The following PSMA1 variants were observed in gnomAD, a reference collection of about 807,000 sequenced individuals.
PSMA1 encodes proteasome subunit alpha type-1.
PSMA1 carries 3 observed loss-of-function variants against 38.4 expected under a neutral mutation model. That is an observed-to-expected ratio of 0.08 (90% confidence interval 0.04 to 0.20). The LOEUF is 0.20. Ranked by LOEUF, PSMA1 falls within the 10% of genes least tolerant of loss-of-function variation. The pLI is 1.00. For synonymous variants in PSMA1, 101 were observed against 107.1 expected (o/e 0.94, Z 0.35); for missense variants, 227 against 325.3 (o/e 0.70, Z 2.32).
At chr11:14,638,949 T>G (rs7104901) in intron 1 of PSMA1, among the ~76,000 whole-genome samples, 69,729 of 151,554 alleles carry the variant, frequency 0.46, 16,045 homozygotes, top group East Asian at 0.53. Context: ...CAAGTTTCAG[T>G]TTTTAGATTT....
At chr11:14,641,199 C>T (rs533824365) in intron 1 of PSMA1, among the ~76,000 whole-genome samples, 158 of 150,324 alleles carry the variant, frequency 1.1e-3, no homozygotes, top group African/African-American at 3.3e-3. Context: ...AAAAAAAAGA[C>T]GTGAGGGAAG....
chr11:14,505,326 T>C, intron 9 of PSMA1, 78 bp from the exon 10 acceptor site: 1 of 1,228,152 alleles, frequency 8.1e-7, no homozygotes, highest in East Asian at 2.3e-5. Flanking sequence ...AAATATTACG[T>C]TATTAAAAAT....
chr11:14,514,219 G>A lies in PSMA1; in HGVS notation c.343+184C>T, dbSNP rs565583109. 98 of 1,347,520 alleles carry A rather than the reference G, an allele frequency of 7.3e-5. No homozygotes were observed. In the East Asian group the frequency reaches 1.4e-3, roughly 19 times the overall value. The allele number at this position is 1,347,520 out of a possible 1,614,324, so 83.5% of individuals were successfully genotyped here. On this transcript the variant is annotated intron_variant, in intron 5 of 9. Coordinates refer to ENST00000396394, the MANE Select transcript of PSMA1 (RefSeq NM_002786.4). Reference sequence around the variant, plus strand: ...ATGCTTAGATGATTTTCCTGAAGTTGGGCTTATTTGTGTCTAGCAAATATA... The same window carrying A: ...ATGCTTAGATGATTTTCCTGAAGTTAGGCTTATTTGTGTCTAGCAAATATA...
intron 2 of PSMA1, among the ~76,000 whole-genome samples, chr11:14,545,042 T>C (rs1851811355): frequency 6.6e-6 from 1 of 152,144 alleles, no homozygotes; most frequent in South Asian, 2.1e-4. Context: ...GAGTAGAGAG[T>C]AACAGCTAAT....
chr11:14,597,926 C>T (rs542705484), intron 2 of PSMA1, among the ~76,000 whole-genome samples: 78 of 152,250 alleles, frequency 5.1e-4, no homozygotes, highest in African/African-American at 1.9e-3. Flanking sequence ...TTGAGTGTGT[C>T]CCAGAGATTC....
chr11:14,529,164 G>A (rs374389455), intron 2 of PSMA1, among the ~76,000 whole-genome samples: 3 of 151,176 alleles, frequency 2.0e-5, no homozygotes, highest in East Asian at 3.9e-4. Context: ...GGTAAGTTAT[G>A]TTAGGCTTTT....
At chr11:14,624,426 T>C (rs1290049545) in intron 1 of PSMA1, among the ~76,000 whole-genome samples, 1 of 152,100 alleles carries the variant, frequency 6.6e-6, no homozygotes, top group Non-Finnish European at 1.5e-5. Flanking sequence ...AGGAACACAA[T>C]GGCCATCGAT....
intron 1 of PSMA1, among the ~76,000 whole-genome samples, chr11:14,616,434 T>C (rs1036281777): frequency 2.0e-5 from 3 of 151,982 alleles, no homozygotes; most frequent in African/African-American, 4.8e-5. Flanking sequence ...GGTCTCACCA[T>C]GTTGGCTAGG....
intron 2 of PSMA1, among the ~76,000 whole-genome samples, chr11:14,537,998 C>T (rs948439579): frequency 3.3e-5 from 5 of 152,068 alleles, no homozygotes; most frequent in Admixed American, 6.5e-5. Flanking sequence ...TGTGAGCCAC[C>T]GCGCCTGGCC....
chr11:14,508,561 C>CAAAAAAAAAAAAAAAAA (rs60499933), intron 8 of PSMA1, among the ~76,000 whole-genome samples: 1,977 of 47,066 alleles, frequency 0.042, 484 homozygotes, highest in African/African-American at 0.054. Context: ...CACTCCATCT[C>CAAAAAAAAAAAAAAAAA]AAAAAAAAAA....
At chr11:14,514,592 G>T in intron 4 of PSMA1, 101 bp from the exon 5 acceptor site, 1 of 895,346 alleles carries the variant, frequency 1.1e-6, no homozygotes, top group Non-Finnish European at 1.6e-6. Context: ...GCGTTTACAT[G>T]GATAACATCC....
intron 2 of PSMA1, among the ~76,000 whole-genome samples, chr11:14,605,959 A>T (rs1230029247): frequency 6.6e-6 from 1 of 152,174 alleles, no homozygotes; most frequent in Non-Finnish European, 1.5e-5. Context: ...CCCAAGGCCA[A>T]TGTCTAGAAT....
At chr11:14,563,970 G>T (rs1439144284) in intron 2 of PSMA1, among the ~76,000 whole-genome samples, 1 of 152,158 alleles carries the variant, frequency 6.6e-6, no homozygotes, top group Non-Finnish European at 1.5e-5. Flanking sequence ...TTGGGAGAAA[G>T]ATTTTTAATT....
chr11:14,539,675 C>T (rs1284889964), intron 2 of PSMA1, among the ~76,000 whole-genome samples: 1 of 151,986 alleles, frequency 6.6e-6, no homozygotes, highest in Non-Finnish European at 1.5e-5. Flanking sequence ...GAAACCCCGT[C>T]TCTACTAAAA....
intron 2 of PSMA1, among the ~76,000 whole-genome samples, chr11:14,527,411 A>G (rs139236672): frequency 0.013 from 2,013 of 152,260 alleles, 40 homozygotes; most frequent in African/African-American, 0.046. Flanking sequence ...TCATCATTTC[A>G]TAACCTCTTC....
intron 8 of PSMA1, among the ~76,000 whole-genome samples, chr11:14,508,561 CA>C (rs60499933): frequency 2.1e-4 from 10 of 47,120 alleles, no homozygotes; most frequent in South Asian, 1.3e-3. Context: ...CACTCCATCT[CA>C]AAAAAAAAAA....
chr11:14,610,704 T>G (rs984982471), intron 2 of PSMA1: 6 of 469,234 alleles, frequency 1.3e-5, no homozygotes, highest in African/African-American at 1.2e-4. Flanking sequence ...GTTCATCTGA[T>G]TTTATGATAA....
chr11:14,514,629 G>C, intron 4 of PSMA1, 138 bp from the exon 5 acceptor site: 1 of 658,122 alleles, frequency 1.5e-6, no homozygotes, highest in Non-Finnish European at 2.4e-6. Context: ...AGGTAAGAAA[G>C]ACATGCCTGC....
chr11:14,617,609 C>A (rs116526245), intron 1 of PSMA1, among the ~76,000 whole-genome samples: 1 of 151,996 alleles, frequency 6.6e-6, no homozygotes, highest in African/African-American at 2.4e-5. Context: ...TTCAGAAAAT[C>A]AGCTACTTGG....
Sources: gnomAD v4.1 joint callset for allele counts (sites outside exome capture counted in the v4.1 genomes callset) on GRCh38, gnomAD v4.1.1 for gene constraint, MANE v1.5 for transcripts, NCBI Gene and HGNC (gene_info 2026-07-23, HGNC 2026-07-21) for gene names.